TAF1: variants seen among roughly 807,000 people sequenced by gnomAD.
TAF1 encodes the protein TATA-box binding protein associated factor 1, also known as transcription initiation factor TFIID subunit 1.
TAF1 carries 2 observed loss-of-function variants against 138.5 expected under a neutral mutation model. The observed-to-expected ratio is 0.01, with a 90% CI of 0.01 to 0.05. The LOEUF is 0.05. Among genes scored for constraint, TAF1 ranks in the 10% least tolerant of loss-of-function variants. The probability of loss-of-function intolerance (pLI) is 1.00; values close to 1 mark genes in which losing one functional copy is unlikely to be tolerated. For missense variants in TAF1, 709 were observed against 1,478.0 expected (o/e 0.48, Z 8.53); for synonymous variants, 437 against 503.2 (o/e 0.87, Z 1.76).
intron 32 of TAF1, chrX:71,441,619 T>C: frequency 3.4e-6 from 1 of 293,769 alleles, no homozygotes; most frequent in South Asian, 3.1e-5. Flanking sequence ...TATTATTAAC[T>C]ATAGTCATTC....
Position 71,423,957 on chromosome X carries a change from T to C in TAF1, c.4576-17T>C, listed in dbSNP as rs766829048. 2.3e-5 allele frequency: 27 copies of C among 1,155,053 alleles called. No homozygotes were observed. In the Middle Eastern group the frequency reaches 9.5e-4, roughly 41 times the overall value. ...AGAGTGGTTTCCATTTAATTTCTTA[T>C]GCTTTCTATTTACTAGTCTTGGCCA... is the stretch of plus-strand genomic sequence containing the variant. On this transcript the variant is annotated splice_polypyrimidine_tract_variant and intron_variant, in intron 30 of 37. Coordinates refer to ENST00000423759, the MANE Select transcript of TAF1 (RefSeq NM_004606.5).
rs772380837 is a variant in TAF1, at chrX:71,409,544, G to A, written c.4384+1393G>A. ...TTCACAGATATAAATGTAGGGATTC[G>A]GAGTACAGATAGAGTGTAAATCATG... On this transcript the variant is annotated intron_variant, in intron 28 of 37. Transcript: ENST00000423759. Among the ~76,000 whole-genome samples the A allele has an allele frequency of 2.0e-4, 22 of 111,822 alleles. No homozygotes were observed. In the Admixed American group the frequency reaches 2.0e-3, roughly 10 times the overall value.
chrX:71,485,788 C>T (rs1377884921), intron 13 of TAF1, among the ~76,000 whole-genome samples: 2 of 110,325 alleles, frequency 1.8e-5, no homozygotes, highest in Admixed American at 1.9e-4. Flanking sequence ...TTCTTCAATC[C>T]TATAGGTTGC....
intron 32 of TAF1, among the ~76,000 whole-genome samples, chrX:71,424,862 T>C (rs982844075): frequency 1.8e-5 from 2 of 111,377 alleles, no homozygotes; most frequent in Admixed American, 1.9e-4. Flanking sequence ...TGACCTCAGG[T>C]GATCCACCTG....
intron 13 of TAF1, among the ~76,000 whole-genome samples, chrX:71,507,908 G>T: frequency 9.1e-6 from 1 of 109,810 alleles, no homozygotes; most frequent in East Asian, 2.8e-4. Context: ...TGAGAATCAC[G>T]TGAATCTGGG....
At chrX:71,505,542 A>G (rs772467721) in intron 13 of TAF1, among the ~76,000 whole-genome samples, 2 of 112,242 alleles carry the variant, frequency 1.8e-5, no homozygotes, top group East Asian at 5.6e-4. Flanking sequence ...CATGAGAAAA[A>G]CATCAGAAAA....
intron 26 of TAF1, among the ~76,000 whole-genome samples, 192 bp from the exon 27 acceptor site, chrX:71,407,382 T>A (rs2035530243): frequency 9.1e-6 from 1 of 109,694 alleles, no homozygotes; most frequent in Admixed American, 9.8e-5. Flanking sequence ...CACACCCAGC[T>A]AATTTTTGTA....
rs191557773 is a variant in TAF1, at chrX:71,433,785, G to A, written c.4753+9547G>A. On this transcript the variant is annotated intron_variant, in intron 32 of 37. Transcript: ENST00000423759. ...AGATTTTTTTTTTTCTCCCCAAGAAGAAGTAAATAATGTCTGGGTAGTAGC... is the reference window on the plus strand; with the variant it reads ...AGATTTTTTTTTTTCTCCCCAAGAAAAAGTAAATAATGTCTGGGTAGTAGC... Among the ~76,000 whole-genome samples the A allele has an allele frequency of 2.1e-4, 23 of 109,213 alleles. No homozygotes were observed. The East Asian group carries it at 5.8e-3, about 28-fold the overall frequency. The allele number at this position is 109,213 out of a possible 115,157, so 94.8% of individuals were successfully genotyped here. A position where few individuals can be genotyped will look rare whatever the true frequency, so the allele number is the denominator to read the frequency against.
At position 71,463,947 on chromosome X, in the gene TAF1, G is replaced by A. The variant is rs375942041; in HGVS notation, c.5523G>A (p.Gly1841=). The A allele has an allele frequency of 1.7e-6, 2 of 1,205,844 alleles. No individual in the cohort carries two copies. The highest frequency in any genetic ancestry group is 2.2e-6 in the Non-Finnish European group (2 of 892,221). ...AGGAGGAGGAAGAGCAGCGCTCTGGGCCGAGCGTACTAAGCCAGGTCCACC... is the reference window on the plus strand; with the variant it reads ...AGGAGGAGGAAGAGCAGCGCTCTGGACCGAGCGTACTAAGCCAGGTCCACC... ...EDEEEEEQRS[G]PSVLSQVHLS... Residue 1841 remains glycine, a synonymous_variant, in exon 38 of 38, where the codon GGG becomes GGA. Transcript: ENST00000423759.
intron 7 of TAF1, 92 bp from the exon 8 acceptor site, chrX:71,378,732 A>G (rs1362948829): frequency 7.3e-6 from 7 of 956,141 alleles, no homozygotes; most frequent in African/African-American, 1.9e-5. Context: ...ACCACTTACA[A>G]TGTGTCTGAT....
At chrX:71,386,051 C>T (rs988832811) in intron 14 of TAF1, among the ~76,000 whole-genome samples, 1 of 109,821 alleles carries the variant, frequency 9.1e-6, no homozygotes, top group Non-Finnish European at 1.9e-5. Context: ...ATCCCAGCTA[C>T]TCGGGAGGCC....
intron 22 of TAF1, 100 bp from the exon 23 acceptor site, chrX:71,397,153 T>C: frequency 1.2e-6 from 1 of 860,031 alleles, no homozygotes; most frequent in Admixed American, 2.7e-5. Context: ...AACCATAGTT[T>C]TGTGGCATGT....
At chrX:71,397,694 G>GT (rs2034931722) in intron 23 of TAF1, among the ~76,000 whole-genome samples, 2 of 110,929 alleles carry the variant, frequency 1.8e-5, no homozygotes, top group Non-Finnish European at 3.8e-5. Flanking sequence ...TGTTGACCAG[G>GT]CTGGTGTTGA....
rs145501763 is a variant in TAF1 at position 71,484,191 on chromosome X, A to G, written c.1366+23388A>G. ...AGCCCTCATTCTTTTAAAACATCCT[A>G]TGGATAGACATTTAATTTTCCAATT... is the stretch of plus-strand genomic sequence containing the variant. On this transcript the variant is annotated intron_variant and NMD_transcript_variant, in intron 13 of 14. Transcript: ENST00000373775. Among the ~76,000 whole-genome samples, 539 of 110,925 alleles carry G rather than the reference A, an allele frequency of 4.9e-3. 1 individual carries two copies. The highest frequency in any genetic ancestry group is 0.014 in the Middle Eastern group (3 of 211).
intron 13 of TAF1, chrX:71,491,288 G>A (rs1450092959): frequency 9.1e-6 from 1 of 110,078 alleles, no homozygotes; most frequent in Non-Finnish European, 1.9e-5. Context: ...AAAGTTCAGT[G>A]AAGAAAGCCA....
intron 13 of TAF1, among the ~76,000 whole-genome samples, chrX:71,500,390 G>C (rs1391623252): frequency 9.0e-6 from 1 of 111,382 alleles, no homozygotes; most frequent in Admixed American, 9.6e-5. Flanking sequence ...AAAAAAATAA[G>C]CCACTTCTTT....
intron 22 of TAF1, among the ~76,000 whole-genome samples, chrX:71,395,017 A>G (rs1391314640): frequency 1.8e-5 from 2 of 112,425 alleles, no homozygotes; most frequent in Non-Finnish European, 3.8e-5. Context: ...ATTTTCTGAG[A>G]ACATTCATGG....
intron 32 of TAF1, among the ~76,000 whole-genome samples, chrX:71,437,766 TC>T (rs1277656533): frequency 9.1e-5 from 10 of 109,362 alleles, no homozygotes; most frequent in African/African-American, 3.3e-4. Flanking sequence ...CCATCTTGTC[TC>T]TTTCTCTTTC....
chrX:71,389,851 GGTTT>G, intron 18 of TAF1, 186 bp downstream of exon 18: 1 of 340,182 alleles, frequency 2.9e-6, no homozygotes, highest in African/African-American at 2.7e-5. Context: ...ATATGATATG[GGTTT>G]GTTTTTTTTT....
Sources: gnomAD v4.1 joint callset for allele counts (sites outside exome capture counted in the v4.1 genomes callset) on GRCh38, gnomAD v4.1.1 for gene constraint, MANE v1.5 for transcripts, NCBI Gene and HGNC (gene_info 2026-07-23, HGNC 2026-07-21) for gene names.